KSR2: variants seen among roughly 807,000 people sequenced by gnomAD.
KSR2 encodes the protein kinase suppressor of ras 2.
In KSR2, 25 loss-of-function variants were observed where a neutral mutation model predicts 107.8. The ratio of observed to expected loss-of-function variants is 0.23; its 90% CI spans 0.17 to 0.32. The LOEUF is 0.32. KSR2 is among the 10% of genes least tolerant of loss of function. The pLI is 1.00. For synonymous variants in KSR2, 480 were observed against 507.0 expected (o/e 0.95, Z 0.71); for missense variants, 887 against 1,268.9 (o/e 0.70, Z 4.57).
In KSR2 at chr12:117,488,073, T is replaced by C. The variant is rs551303356; in HGVS notation, c.2220-2382A>G. ...ATTGAATAAGTCTCATGAGATCTGA[T>C]GGTTTTATAAAGGGGAGTTCCCCTG... On this transcript the variant is annotated intron_variant, in intron 14 of 19. Coordinates refer to ENST00000339824, the MANE Select transcript of KSR2 (RefSeq NM_173598.6). 8.5e-5 allele frequency among the ~76,000 whole-genome samples: 13 copies of C among 152,290 alleles called. No individual in the cohort carries two copies. In the South Asian group the frequency reaches 2.5e-3, roughly 29 times the overall value.
intron 3 of KSR2, among the ~76,000 whole-genome samples, chr12:117,808,810 C>T (rs12301859): frequency 6.6e-6 from 1 of 152,214 alleles, no homozygotes; most frequent in Non-Finnish European, 1.5e-5. Context: ...CAGGCCACAT[C>T]TAGATGACAT....
At chr12:117,590,235 G>C (rs1334374580) in intron 5 of KSR2, among the ~76,000 whole-genome samples, 1 of 152,254 alleles carries the variant, frequency 6.6e-6, no homozygotes. Context: ...TTAAGTTAGA[G>C]ACAAGACCTT....
chr12:117,791,265 C>T (rs943870341), intron 3 of KSR2, among the ~76,000 whole-genome samples: 16 of 151,486 alleles, frequency 1.1e-4, no homozygotes, highest in Non-Finnish European at 2.2e-4. Context: ...TCCTGTCACA[C>T]CGATCCTTAG....
chr12:117,701,728 C>T (rs760828558), intron 4 of KSR2, among the ~76,000 whole-genome samples: 7 of 152,050 alleles, frequency 4.6e-5, no homozygotes, highest in Non-Finnish European at 1.0e-4. Context: ...GGAGAAGACA[C>T]AGAACAGAGA....
rs1444903251 is a variant in KSR2, at chr12:117,467,144, G to A, written c.*55C>T. 6.0e-6 allele frequency: 4 copies of A among 662,678 alleles called. No homozygotes were observed. Among genetic ancestry groups the A allele is most frequent in the Non-Finnish European group, 1.1e-5 (4 of 366,172 alleles). 41.0% of individuals were successfully genotyped at this position (662,678 alleles called of 1,614,324 possible). A position where few individuals can be genotyped will look rare whatever the true frequency, so the allele number is the denominator to read the frequency against. ...CCTGAGCTGGCAGAGGACAGAGTAG[G>A]GAGGGAGAGGTGACGGGAGCCCAGG... On this transcript the variant is annotated 3_prime_UTR_variant, in exon 20 of 20. Transcript: ENST00000339824.
At chr12:117,585,196 A>G (rs757197836) in intron 5 of KSR2, among the ~76,000 whole-genome samples, 5 of 152,182 alleles carry the variant, frequency 3.3e-5, no homozygotes, top group Non-Finnish European at 5.9e-5. Flanking sequence ...GCATCAAGGT[A>G]GAGAATTCCT....
rs1472788843 is a variant in KSR2, at chr12:117,960,436, C to T, written c.180+7640G>A. On this transcript the variant is annotated intron_variant, in intron 1 of 19. Coordinates refer to ENST00000339824, the MANE Select transcript of KSR2 (RefSeq NM_173598.6). The stretch of plus-strand genomic sequence containing the variant: ...GGCTTAGGAAGGGCTTGCACACTGG[C>T]GCCTGTCCTCTAGGAACACCGTTGC... 2.6e-5 allele frequency among the ~76,000 whole-genome samples: 4 copies of T among 152,178 alleles called. No homozygotes were observed. In the East Asian group the frequency reaches 5.8e-4, roughly 22 times the overall value.
intron 1 of KSR2, among the ~76,000 whole-genome samples, chr12:117,949,541 G>A (rs1174004511): frequency 6.6e-6 from 1 of 152,164 alleles, no homozygotes; most frequent in Non-Finnish European, 1.5e-5. Context: ...AAGCATGAAA[G>A]AAATTTTGTG....
rs553565522 is a variant in KSR2 at position 117,872,478 on chromosome 12, C to A, written c.181-12047G>T. On this transcript the variant is annotated intron_variant, in intron 1 of 19. Coordinates refer to ENST00000339824, the MANE Select transcript of KSR2 (RefSeq NM_173598.6). ...ACTGGGGAGGTTGAGGCAAGAGGAT[C>A]CCTTGAGCCCAGGAGTTCCAGGCTG... Among the ~76,000 whole-genome samples the A allele has an allele frequency of 4.7e-4, 71 of 152,116 alleles. 1 individual carries two copies. The highest frequency in any genetic ancestry group is 1.7e-3 in the African/African-American group (70 of 41,488).
At chr12:117,545,049 T>A (rs994936918) in intron 9 of KSR2, among the ~76,000 whole-genome samples, 1 of 152,328 alleles carries the variant, frequency 6.6e-6, no homozygotes, top group East Asian at 1.9e-4. Context: ...TTTTGGATTT[T>A]GTCAAACAAG....
chr12:117,825,097 C>T (rs1891694338), intron 3 of KSR2, among the ~76,000 whole-genome samples: 1 of 151,858 alleles, frequency 6.6e-6, no homozygotes, highest in Non-Finnish European at 1.5e-5. Context: ...AGGAGAACCG[C>T]TTAAACCCCA....
chr12:117,492,857 A>AG (rs1872819450), intron 14 of KSR2, among the ~76,000 whole-genome samples: 1 of 152,112 alleles, frequency 6.6e-6, no homozygotes, highest in African/African-American at 2.4e-5. Context: ...TTGAAGATGG[A>AG]GAAGGGGGCA....
chr12:117,596,491 C>T (rs1383699292), intron 5 of KSR2, among the ~76,000 whole-genome samples: 3 of 152,144 alleles, frequency 2.0e-5, no homozygotes, highest in African/African-American at 7.2e-5. Context: ...AACGCACCAA[C>T]GAACACCTAC....
At chr12:117,613,236 G>C (rs182397558) in intron 5 of KSR2, among the ~76,000 whole-genome samples, 3 of 152,326 alleles carry the variant, frequency 2.0e-5, no homozygotes, top group Admixed American at 1.3e-4. Flanking sequence ...GCAATTTGTT[G>C]CAATCTATCA....
chr12:117,539,167 T>C (rs1876275080), intron 10 of KSR2, among the ~76,000 whole-genome samples: 1 of 152,074 alleles, frequency 6.6e-6, no homozygotes, highest in Non-Finnish European at 1.5e-5. Context: ...TTTTCAGAGG[T>C]GAGACACAGC....
At chr12:117,744,088 C>A (rs950953510) in intron 4 of KSR2, among the ~76,000 whole-genome samples, 3 of 152,182 alleles carry the variant, frequency 2.0e-5, no homozygotes, top group Admixed American at 2.0e-4. Flanking sequence ...TCTGTGCTGT[C>A]TAGTTGGCAT....
chr12:117,699,372 A>C (rs557442933), intron 4 of KSR2, among the ~76,000 whole-genome samples: 1 of 152,352 alleles, frequency 6.6e-6, no homozygotes, highest in South Asian at 2.1e-4. Flanking sequence ...TCACTTAATA[A>C]GAGTGATACA....
chr12:117,945,244 C>T (rs143966167), intron 1 of KSR2, among the ~76,000 whole-genome samples: 265 of 152,246 alleles, frequency 1.7e-3, no homozygotes, highest in African/African-American at 6.3e-3. Flanking sequence ...AACACTCCAC[C>T]CATCAACAGC....
intron 4 of KSR2, among the ~76,000 whole-genome samples, chr12:117,691,560 C>A (rs1565963278): frequency 2.0e-5 from 3 of 152,210 alleles, no homozygotes; most frequent in Admixed American, 6.5e-5. Flanking sequence ...CGGCTGCCCA[C>A]TGAAGGCCAT....
Sources: gnomAD v4.1 joint callset for allele counts (sites outside exome capture counted in the v4.1 genomes callset) on GRCh38, gnomAD v4.1.1 for gene constraint, MANE v1.5 for transcripts, NCBI Gene and HGNC (gene_info 2026-07-23, HGNC 2026-07-21) for gene names.